Variants in POMZP3 observed in about 807,000 individuals in gnomAD.
POMZP3 encodes POM121 and ZP3 fusion, also known as POM121 and ZP3 fusion protein.
In POMZP3, 10 loss-of-function variants were observed where a neutral mutation model predicts 19.8. The ratio of observed to expected loss-of-function variants is 0.51; its 90% confidence interval spans 0.31 to 0.86. The LOEUF is 0.86. POMZP3 is among the 40% of genes least tolerant of loss of function. The probability of loss-of-function intolerance (pLI) is 0.04; values close to 1 mark genes in which losing one functional copy is unlikely to be tolerated. For synonymous variants in POMZP3, 57 were observed against 85.8 expected, an observed-to-expected ratio of 0.66 and a Z score of 1.85; for missense variants, 152 against 228.1, an observed-to-expected ratio of 0.67 and a Z score of 2.15.
At chr7:76,621,669 G>A (rs1043296016) in intron 3 of POMZP3, among the ~76,000 whole-genome samples, 16 of 151,532 alleles carry the variant, frequency 1.1e-4, no homozygotes, top group South Asian at 4.2e-4. Flanking sequence ...GGCCGGGCGC[G>A]GTGGCTCACG....
At chr7:76,620,708 T>C (rs1480900213) in intron 3 of POMZP3, among the ~76,000 whole-genome samples, 1 of 151,956 alleles carries the variant, frequency 6.6e-6, no homozygotes, top group Non-Finnish European at 1.5e-5. Context: ...CCTCAGGTGA[T>C]CTGCCTGCCT....
chr7:76,627,262 G>A lies in POMZP3; in HGVS notation c.-706C>T. ...CAGCCGCCGGAGACATCGCGGCTCC[G>A]CGCCGCGGAGGAGACTTAAATATCC... On this transcript the variant is annotated 5_prime_UTR_variant, in exon 1 of 7. Coordinates refer to ENST00000310842, the MANE Select transcript of POMZP3 (RefSeq NM_012230.5). 1 of 1,359,434 alleles carries A rather than the reference G, an allele frequency of 7.4e-7. No homozygotes were observed. Among genetic ancestry groups the A allele is most frequent in the Non-Finnish European group, 9.5e-7 (1 of 1,052,290 alleles). The allele number at this position is 1,359,434 out of a possible 1,614,324, so 84.2% of individuals were successfully genotyped here. A position where few individuals can be genotyped will look rare whatever the true frequency, so the allele number is the denominator to read the frequency against.
In POMZP3 at chr7:76,617,112, G is replaced by A. The variant is rs1815315175; in HGVS notation, c.345+1071C>T. 2.1e-5 allele frequency among the ~76,000 whole-genome samples: 2 copies of A among 96,506 alleles called. 1 individual carries two copies. Among genetic ancestry groups the A allele is most frequent in the African/African-American group, 8.4e-5 (2 of 23,716 alleles). The allele number at this position is 96,506 out of a possible 152,430, so 63.3% of individuals were successfully genotyped here. On this transcript the variant is annotated intron_variant, in intron 4 of 6. Coordinates refer to ENST00000310842, the MANE Select transcript of POMZP3 (RefSeq NM_012230.5). ...GAACCTGGAGTAGCTGGGACTACAG[G>A]TGCCCACCATCATGCCCAGCTAATT...
At chr7:76,625,416 G>A in intron 3 of POMZP3, 106 bp downstream of exon 3, 2 of 1,567,292 alleles carry the variant, frequency 1.3e-6, no homozygotes. Flanking sequence ...GGCCTATGAA[G>A]GCTCACAAAC....
At chr7:76,620,869 T>TTTTTA (rs1815519673) in intron 3 of POMZP3, among the ~76,000 whole-genome samples, 1 of 123,538 alleles carries the variant, frequency 8.1e-6, no homozygotes, top group Admixed American at 8.1e-5. Context: ...CCATTTTTTT[T>TTTTTA]TTTTTTTTTT....
chr7:76,610,264 G>C lies in POMZP3; in HGVS notation c.*12-49C>G, dbSNP rs1423895468. On this transcript the variant is annotated intron_variant, in intron 6 of 6. Coordinates refer to ENST00000310842, the MANE Select transcript of POMZP3 (RefSeq NM_012230.5). ...AAGGGTCATCTTAGTCCCTAACCGGGAACTGGGTTGGAGGTTTTATTCTGC... is the reference window on the plus strand; with the variant it reads ...AAGGGTCATCTTAGTCCCTAACCGGCAACTGGGTTGGAGGTTTTATTCTGC... 3.1e-6 allele frequency: 5 copies of C among 1,613,606 alleles called. 1 individual carries two copies. In the South Asian group the frequency reaches 3.3e-5, roughly 11 times the overall value.
intron 3 of POMZP3, among the ~76,000 whole-genome samples, chr7:76,622,655 C>G (rs1362901637): frequency 1.3e-5 from 2 of 151,648 alleles, no homozygotes; most frequent in Admixed American, 6.6e-5. Context: ...TGAGCCACTG[C>G]GTCTGGCCCA....
Position 76,623,220 on chromosome 7 carries a change from A to G in POMZP3, c.227+2302T>C, listed in dbSNP as rs527648813. The stretch of plus-strand genomic sequence containing the variant: ...TTTATTTCACTTTTCCCCCTGTGAT[A>G]CAGCCCCAGGAGATCCCCAAATAAA... On this transcript the variant is annotated intron_variant, in intron 3 of 6. Transcript: ENST00000310842. Among the ~76,000 whole-genome samples, 6 of 151,568 alleles carry G rather than the reference A, an allele frequency of 4.0e-5. No individual in the cohort carries two copies. In the South Asian group the frequency reaches 1.3e-3, roughly 32 times the overall value.
intron 6 of POMZP3, among the ~76,000 whole-genome samples, chr7:76,610,495 TA>T (rs898459187): frequency 6.6e-6 from 1 of 150,868 alleles, no homozygotes; most frequent in Admixed American, 6.6e-5. Flanking sequence ...CTACTGAAAA[TA>T]AAAAAGTTAA....
rs143843732 is a variant in POMZP3 at position 76,623,981 on chromosome 7, C to G, written c.227+1541G>C. Among the ~76,000 whole-genome samples the G allele has an allele frequency of 0.012, 1,710 of 142,606 alleles. 90 individuals carry two copies. In the East Asian group the frequency reaches 0.14, roughly 11 times the overall value. 93.6% of individuals were successfully genotyped at this position (142,606 alleles called of 152,430 possible). ...AAATAGAAACAAGGTGGGAAGAAGG[C>G]CAGTAAGTAGGAGAGACGTGAAAAA... On this transcript the variant is annotated intron_variant, in intron 3 of 6. Transcript: ENST00000310842.
chr7:76,610,607 G>A (rs538592845), intron 6 of POMZP3, among the ~76,000 whole-genome samples: 9 of 152,034 alleles, frequency 5.9e-5, no homozygotes, highest in Non-Finnish European at 8.8e-5. Flanking sequence ...AGCAGAGATC[G>A]TGCCATTGCT....
At chr7:76,619,292 A>G (rs1799205) in intron 3 of POMZP3, among the ~76,000 whole-genome samples, 2 of 152,148 alleles carry the variant, frequency 1.3e-5, no homozygotes, top group Admixed American at 6.6e-5. Flanking sequence ...GGAGGCTGAG[A>G]GAGGAGAATC....
At chr7:76,625,308 C>T (rs1815815352) in intron 3 of POMZP3, among the ~76,000 whole-genome samples, 2 of 151,096 alleles carry the variant, frequency 1.3e-5, no homozygotes, top group Non-Finnish European at 1.5e-5. Context: ...CTGCTACTCA[C>T]AGAAAAGGTA....
Position 76,624,673 on chromosome 7 carries a change from T to G in POMZP3, c.227+849A>C, listed in dbSNP as rs536772678. On this transcript the variant is annotated intron_variant, in intron 3 of 6. Transcript: ENST00000310842. ...GTTGGCCAGGCTGGTCTCGAACTCC[T>G]GACCTCAGGTGATCCACCTGCCTGG... 1.8e-3 allele frequency among the ~76,000 whole-genome samples: 273 copies of G among 148,350 alleles called. 12 individuals carry two copies. The South Asian group carries it at 0.055, about 30-fold the overall frequency.
At chr7:76,623,187 T>C (rs983815251) in intron 3 of POMZP3, among the ~76,000 whole-genome samples, 49 of 84,762 alleles carry the variant, frequency 5.8e-4, no homozygotes, top group African/African-American at 1.7e-3. Context: ...TGATTGTGGT[T>C]TTTTTTTTTT....
intron 3 of POMZP3, among the ~76,000 whole-genome samples, chr7:76,620,430 T>C (rs1202165948): frequency 6.8e-6 from 1 of 146,908 alleles, no homozygotes; most frequent in East Asian, 2.0e-4. Context: ...ACGTACCTTA[T>C]TTTAGATTTG....
At chr7:76,622,571 G>A (rs1035626879) in intron 3 of POMZP3, among the ~76,000 whole-genome samples, 50 of 151,470 alleles carry the variant, frequency 3.3e-4, no homozygotes, top group African/African-American at 1.0e-3. Context: ...TCACCATCTT[G>A]GCCAGGCTGG....
rs376103964 is a variant in POMZP3, at chr7:76,625,594, T to G, written c.155A>C (p.Lys52Thr). The G allele has an allele frequency of 1.2e-6, 2 of 1,613,564 alleles. No homozygotes were observed. The highest frequency in any genetic ancestry group is 1.7e-6 in the Non-Finnish European group (2 of 1,179,726). ...CAKETVLSAL[K>T]EKKKKRTVEE... ...CACTGTCCTTTTCTTCTTCTTCTCT[T>G]TGAGGGCACTCAGTACAGTCTCCTT... The change falls in exon 3 of 7, where the codon AAA becomes ACA. Residue 52 changes from lysine to threonine, a missense_variant. Physicochemically the swap from Lys to Thr is moderately conservative, Grantham distance 78. Around this residue, in one of 4 missense-constraint regions of POMZP3, gnomAD observed 70 missense variants for 64.1 expected, o/e 1.09. Coordinates refer to ENST00000310842, the MANE Select transcript of POMZP3 (RefSeq NM_012230.5).
At chr7:76,611,837 C>T in intron 4 of POMZP3, 24 bp from the exon 5 acceptor site, 2 of 1,535,818 alleles carry the variant, frequency 1.3e-6, no homozygotes, top group Non-Finnish European at 8.9e-7. Context: ...CAGCTATTTC[C>T]AGGCCGAGTT....
Sources: allele counts gnomAD v4.1 joint callset (sites outside exome capture counted in the v4.1 genomes callset), GRCh38; gene constraint gnomAD v4.1.1; regional missense constraint gnomAD v4.1.1; transcripts MANE v1.5; gene names NCBI Gene and HGNC (gene_info 2026-07-23, HGNC 2026-07-21).